The following BRD10 variants were observed in gnomAD, a reference collection of about 807,000 sequenced individuals.
BRD10 encodes the protein bromodomain containing 10.
the BRD10 span, among the ~76,000 whole-genome samples, chr9:5,940,468 C>G: frequency 2.0e-5 from 3 of 152,180 alleles, no homozygotes; most frequent in Non-Finnish European, 2.9e-5. Context: ...GCTGGGATTA[C>G]AGGCGTGAGC....
the BRD10 span, chr9:5,919,992 A>G: frequency 6.2e-7 from 1 of 1,614,026 alleles, no homozygotes; most frequent in Non-Finnish European, 8.5e-7. Flanking sequence ...GAAGTCAGTG[A>G]TACTGTTGGT....
the BRD10 span, among the ~76,000 whole-genome samples, chr9:5,938,283 G>C: frequency 2.6e-5 from 4 of 151,902 alleles, no homozygotes; most frequent in East Asian, 1.9e-4. Context: ...TCTTCCAAAA[G>C]ATACAAAAAT....
At chr9:6,003,254 G>A in the BRD10 span, among the ~76,000 whole-genome samples, 355 of 152,202 alleles carry the variant, frequency 2.3e-3, 2 homozygotes, top group Middle Eastern at 0.014. Flanking sequence ...TCTAATGACA[G>A]CCTTTCAAAA....
At chr9:5,961,754 A>G in the BRD10 span, among the ~76,000 whole-genome samples, 1 of 152,196 alleles carries the variant, frequency 6.6e-6, no homozygotes, top group African/African-American at 2.4e-5. Context: ...TTCAAAACTT[A>G]AAAAGGAGGA....
the BRD10 span, among the ~76,000 whole-genome samples, chr9:5,986,282 G>A: frequency 6.6e-6 from 1 of 152,164 alleles, no homozygotes; most frequent in African/African-American, 2.4e-5. Context: ...CTTCATCCAT[G>A]TCCCTGCAAA....
chr9:5,937,433 G>T, the BRD10 span, among the ~76,000 whole-genome samples: 2 of 151,930 alleles, frequency 1.3e-5, no homozygotes, highest in Non-Finnish European at 2.9e-5. Context: ...TACTAGGGAG[G>T]CTGAGGCAGG....
chr9:5,943,532 T>C, the BRD10 span, among the ~76,000 whole-genome samples: 1 of 148,438 alleles, frequency 6.7e-6, no homozygotes, highest in South Asian at 2.1e-4. Flanking sequence ...TAGTCCTTTC[T>C]GAGCATAAAA....
chr9:5,970,253 T>C, the BRD10 span, among the ~76,000 whole-genome samples: 23 of 152,280 alleles, frequency 1.5e-4, 1 homozygote, highest in African/African-American at 5.5e-4. Flanking sequence ...ACTGGAAATA[T>C]TGTGCAGCCT....
the BRD10 span, among the ~76,000 whole-genome samples, chr9:5,948,048 C>G: frequency 6.6e-6 from 1 of 152,060 alleles, no homozygotes. Context: ...AGTTTTATCT[C>G]CCAGCAAGAA....
chr9:5,968,922 C>T, the BRD10 span: 1 of 1,612,258 alleles, frequency 6.2e-7, no homozygotes, highest in African/African-American at 1.3e-5. Context: ...GTTTCATACA[C>T]AAAGTCACAA....
the BRD10 span, among the ~76,000 whole-genome samples, chr9:5,940,415 G>C: frequency 1.3e-5 from 2 of 151,960 alleles, no homozygotes; most frequent in African/African-American, 2.4e-5. Context: ...GGCTGGTCTC[G>C]AACTCCCAAC....
chr9:5,912,669 T>A, the BRD10 span, among the ~76,000 whole-genome samples: 1 of 152,298 alleles, frequency 6.6e-6, no homozygotes, highest in East Asian at 1.9e-4. Context: ...GCTTCCCTGC[T>A]GCTGAAGGAA....
chr9:5,919,170 C>T, the BRD10 span: 1 of 152,740 alleles, frequency 6.5e-6, no homozygotes, highest in Non-Finnish European at 1.5e-5. Context: ...ATATTTAGTA[C>T]AGGTTGTTAG....
chr9:5,975,140 G>C, the BRD10 span, among the ~76,000 whole-genome samples: 1 of 151,950 alleles, frequency 6.6e-6, no homozygotes, highest in East Asian at 1.9e-4. Context: ...ACACATATTA[G>C]AACTAGCAAT....
chr9:5,986,612 G>A, the BRD10 span, among the ~76,000 whole-genome samples: 1 of 152,082 alleles, frequency 6.6e-6, no homozygotes, highest in Non-Finnish European at 1.5e-5. Flanking sequence ...CTTCTCCACA[G>A]CACAGGCTTT....
the BRD10 span, chr9:5,922,572 T>C: frequency 6.2e-7 from 1 of 1,614,024 alleles, no homozygotes; most frequent in Non-Finnish European, 8.5e-7. Flanking sequence ...ATATTTGTTG[T>C]CTGTGGGAAA....
At chr9:5,944,183 A>G in the BRD10 span, among the ~76,000 whole-genome samples, 2 of 152,182 alleles carry the variant, frequency 1.3e-5, no homozygotes, top group Admixed American at 1.3e-4. Flanking sequence ...ACTGGTATGT[A>G]ATTGTGTTTA....
the BRD10 span, among the ~76,000 whole-genome samples, chr9:5,908,236 A>T: frequency 6.6e-6 from 1 of 152,218 alleles, no homozygotes; most frequent in Non-Finnish European, 1.5e-5. Context: ...TGTTCTGGAT[A>T]CAATATCCTC....
chr9:5,924,420 G>A, the BRD10 span, among the ~76,000 whole-genome samples: 2 of 152,010 alleles, frequency 1.3e-5, no homozygotes, highest in Admixed American at 1.3e-4. Context: ...TGGGACTACA[G>A]GGATGCAACC....
Sources: gnomAD v4.1 joint callset for allele counts (sites outside exome capture counted in the v4.1 genomes callset) on GRCh38, gnomAD v4.1.1 for gene constraint, MANE v1.5 for transcripts, NCBI Gene and HGNC (gene_info 2026-07-23, HGNC 2026-07-21) for gene names.